JRK: variants seen among roughly 807,000 people sequenced by gnomAD.
The protein encoded by JRK is Jrk helix-turn-helix protein, also known as jerky protein homolog.
For missense variants in JRK, 720 were observed against 509.2 expected, an observed-to-expected ratio of 1.41 and a Z score of -3.98; for synonymous variants, 303 against 218.1, an observed-to-expected ratio of 1.39 and a Z score of -3.43.
rs782604135 is a variant in JRK at position 142,664,491 on chromosome 8, C to T, written c.1568G>A (p.Arg523Gln). 2.7e-5 allele frequency: 43 copies of T among 1,610,406 alleles called. 1 individual carries two copies. The highest frequency in any genetic ancestry group is 2.5e-4 in the South Asian group (23 of 90,632). The change falls in exon 2 of 2, where the codon CGG becomes CAG. Residue 523 changes from arginine to glutamine, a missense_variant. Transcript: ENST00000612905. Reference protein sequence around the residue: ...GQLRALRAVFRSQQQVRRRRG... With the variant: ...GQLRALRAVFQSQQQVRRRRG... ...CCGCCTCCTCACCTGCTGCTGGCTCCGGAACACGGCACGCAGCGCCCGCAG... is the reference window on the plus strand; with the variant it reads ...CCGCCTCCTCACCTGCTGCTGGCTCTGGAACACGGCACGCAGCGCCCGCAG...
At chr8:142,656,385 G>C (rs1846752920), downstream of JRK, among the ~76,000 whole-genome samples, 1 of 152,188 alleles carries the variant, frequency 6.6e-6, no homozygotes, top group African/African-American at 2.4e-5. Flanking sequence ...CTGGATGACA[G>C]TGGTTTGAAA....
In JRK at chr8:142,660,184, T is replaced by G. The variant is rs587771614; in HGVS notation, c.*4168A>C. On this transcript the variant is annotated 3_prime_UTR_variant, in exon 2 of 2. Coordinates refer to ENST00000612905, the MANE Select transcript of JRK (RefSeq NM_003724.4). ...CAGTAGGCAGCTGAGTCCAACGCAG[T>G]GCCCGAGAGCTCAGCCCTTGTCAAG... 8 of 985,400 alleles carry G rather than the reference T, an allele frequency of 8.1e-6. No homozygotes were observed. In the African/African-American group the frequency reaches 1.4e-4, roughly 17 times the overall value. 61.0% of individuals were successfully genotyped at this position (985,400 alleles called of 1,614,324 possible). A position where few individuals can be genotyped will look rare whatever the true frequency, so the allele number is the denominator to read the frequency against.
In JRK at chr8:142,664,694, G is replaced by T. The variant is rs367765344; in HGVS notation, c.1365C>A (p.Ala455=). The T allele has an allele frequency of 2.0e-5, 32 of 1,608,780 alleles. No homozygotes were observed. The African/African-American group carries it at 3.3e-4, about 17-fold the overall frequency. Residue 455 remains alanine, a synonymous_variant, in exon 2 of 2, where the codon GCC becomes GCA. Transcript: ENST00000612905. ...TCCACACAACCTCTGCTGGCGACGT[G>T]GCAGCAGGGGGCCGTCCCCCTTCTG... ...REAEGGRPPA[A]TSPAEVVWSS...
chr8:142,669,280 G>A (rs888443365), intron 1 of JRK, among the ~76,000 whole-genome samples: 5 of 151,988 alleles, frequency 3.3e-5, no homozygotes, highest in Admixed American at 2.6e-4. Context: ...TGGGGGAAGA[G>A]GTGAGCTGGG....
rs1290381557 is a variant in JRK, at chr8:142,658,134, A to G, written c.*6218T>C. ...TCCAAGTCCCCCAGGGGCCTGGCCC[A>G]TGACTGGCACTGAGGAGTTAGGGGC... On this transcript the variant is annotated 3_prime_UTR_variant, in exon 2 of 2. Coordinates refer to ENST00000612905, the MANE Select transcript of JRK (RefSeq NM_003724.4). 1 of 152,286 alleles carries G rather than the reference A, an allele frequency of 6.6e-6. No homozygotes were observed. The highest frequency in any genetic ancestry group is 1.5e-5 in the Non-Finnish European group (1 of 68,084). The allele number at this position is 152,286 out of a possible 1,614,324, so 9.4% of individuals were successfully genotyped here.
At chr8:142,669,151 T>C (rs1847228503) in intron 1 of JRK, among the ~76,000 whole-genome samples, 1 of 144,154 alleles carries the variant, frequency 6.9e-6, no homozygotes, top group Admixed American at 7.0e-5. Context: ...GAAACAACCT[T>C]CGCAGGGGCA....
the JRK span, among the ~76,000 whole-genome samples, chr8:142,648,521 C>T: frequency 6.6e-6 from 1 of 152,236 alleles, no homozygotes; most frequent in South Asian, 2.1e-4. Context: ...GTGCAAGTCC[C>T]AAGCCTTGGC....
downstream of JRK, among the ~76,000 whole-genome samples, chr8:142,655,587 G>C (rs1554633545): frequency 7.5e-6 from 1 of 133,842 alleles, no homozygotes; most frequent in African/African-American, 2.6e-5. Flanking sequence ...CCAGGCTGTG[G>C]AGTAAAACGG....
downstream of JRK, among the ~76,000 whole-genome samples, chr8:142,656,761 G>A (rs1395789664): frequency 6.6e-6 from 1 of 152,156 alleles, no homozygotes; most frequent in Non-Finnish European, 1.5e-5. Flanking sequence ...CGTTTGGGGT[G>A]GGGACAACGC....
chr8:142,653,889 G>A (rs1388932658), downstream of JRK, among the ~76,000 whole-genome samples: 2 of 152,176 alleles, frequency 1.3e-5, no homozygotes, highest in African/African-American at 2.4e-5. Flanking sequence ...AGGGGAGGCT[G>A]ATTTAAGTAA....
chr8:142,667,997 T>A (rs1172229770), intron 1 of JRK, among the ~76,000 whole-genome samples: 1 of 152,152 alleles, frequency 6.6e-6, no homozygotes, highest in Admixed American at 6.5e-5. Context: ...CTGCTGAGGG[T>A]GGTGAGGGCT....
chr8:142,652,381 T>G, the JRK span, among the ~76,000 whole-genome samples: 4 of 152,304 alleles, frequency 2.6e-5, no homozygotes, highest in Admixed American at 2.6e-4. Flanking sequence ...TAGGGAGATA[T>G]GAGACATCAA....
the JRK span, among the ~76,000 whole-genome samples, chr8:142,651,593 C>T: frequency 1.3e-5 from 2 of 150,082 alleles, no homozygotes; most frequent in Non-Finnish European, 3.0e-5. Context: ...GGCCTTGTTC[C>T]CCATAATTTG....
rs976447008 is a variant in JRK, at chr8:142,662,020, G to A, written c.*2332C>T. 8 of 985,400 alleles carry A rather than the reference G, an allele frequency of 8.1e-6. No homozygotes were observed. The highest frequency in any genetic ancestry group is 9.6e-6 in the Non-Finnish European group (8 of 830,016). The allele number at this position is 985,400 out of a possible 1,614,324, so 61.0% of individuals were successfully genotyped here. ...CGAGCCCAGGTGAGGAGGGGCTGCA[G>A]GAGGAGCAGGGCCCGAGTCCCCTGG... is the stretch of plus-strand genomic sequence containing the variant. On this transcript the variant is annotated 3_prime_UTR_variant, in exon 2 of 2. Coordinates refer to ENST00000612905, the MANE Select transcript of JRK (RefSeq NM_003724.4).
rs1386016642 is a variant in JRK, at chr8:142,669,374, C to T, written c.-463+558G>A. On this transcript the variant is annotated intron_variant, in intron 1 of 1. Transcript: ENST00000612905. ...CCCGCAGAGAGCGCCCGAGAGCCGG[C>T]GCCGAGTTCCGCTAGGAGCCCTCCA... 2.0e-5 allele frequency among the ~76,000 whole-genome samples: 3 copies of T among 152,170 alleles called. No individual in the cohort carries two copies. The East Asian group carries it at 5.8e-4, about 30-fold the overall frequency.
At position 142,659,176 on chromosome 8, in the gene JRK, A is replaced by G; in HGVS notation, c.*5176T>C. On this transcript the variant is annotated 3_prime_UTR_variant, in exon 2 of 2. Transcript: ENST00000612905. ...GCTCCTCCCACTGAGCCTCATGGTC[A>G]CCCCAGAGGACAGGCCTTCCTTTCA... 7.6e-7 allele frequency: 1 copy of G among 1,308,858 alleles called. No individual in the cohort carries two copies. The highest frequency in any genetic ancestry group is 3.3e-5 in the East Asian group (1 of 30,712). The allele number at this position is 1,308,858 out of a possible 1,614,324, so 81.1% of individuals were successfully genotyped here.
rs1333686080 is a variant in JRK at position 142,660,696 on chromosome 8, C to A, written c.*3656G>T. ...GGATTTCAGGCAGAAGCCACCACAC[C>A]CGGATCCCCAATAAGCACATTTATG... is the stretch of plus-strand genomic sequence containing the variant. On this transcript the variant is annotated 3_prime_UTR_variant, in exon 2 of 2. Transcript: ENST00000612905. 3.0e-6 allele frequency: 3 copies of A among 985,382 alleles called. No homozygotes were observed. Among genetic ancestry groups the A allele is most frequent in the Non-Finnish European group, 3.6e-6 (3 of 829,984 alleles). The allele number at this position is 985,382 out of a possible 1,614,324, so 61.0% of individuals were successfully genotyped here.
At position 142,659,003 on chromosome 8, in the gene JRK, G is replaced by T; in HGVS notation, c.*5349C>A. Reference sequence around the variant, plus strand: ...AGCGTCAGTATGTCCACACCATAGGGGTGTAGTCACTTCCCTCTGCCAGGG... The same window carrying T: ...AGCGTCAGTATGTCCACACCATAGGTGTGTAGTCACTTCCCTCTGCCAGGG... On this transcript the variant is annotated 3_prime_UTR_variant, in exon 2 of 2. Coordinates refer to ENST00000612905, the MANE Select transcript of JRK (RefSeq NM_003724.4). The T allele has an allele frequency of 6.4e-7, 1 of 1,558,462 alleles. No individual in the cohort carries two copies.
In JRK at chr8:142,659,062, T is replaced by C. The variant is rs1846831869; in HGVS notation, c.*5290A>G. The C allele has an allele frequency of 7.0e-7, 1 of 1,434,868 alleles. No homozygotes were observed. Among genetic ancestry groups the C allele is most frequent in the Non-Finnish European group, 9.2e-7 (1 of 1,090,678 alleles). The allele number at this position is 1,434,868 out of a possible 1,614,324, so 88.9% of individuals were successfully genotyped here. On this transcript the variant is annotated 3_prime_UTR_variant, in exon 2 of 2. Transcript: ENST00000612905. ...GGAGGAAGAATGGATTCCTAGTGTA[T>C]TTTTTCTCTTCAGAACTGACAGCCC...
Sources: allele counts gnomAD v4.1 joint callset (sites outside exome capture counted in the v4.1 genomes callset), GRCh38; gene constraint gnomAD v4.1.1; transcripts MANE v1.5; gene names NCBI Gene and HGNC (gene_info 2026-07-23, HGNC 2026-07-21).